The following B3GLCT variants were observed in gnomAD, a reference collection of about 807,000 sequenced individuals.
The protein encoded by B3GLCT is beta-1,3-glucosyltransferase.
In B3GLCT, 65 loss-of-function variants were observed where a neutral mutation model predicts 63.4. That is an observed-to-expected ratio of 1.03 (90% CI 0.84 to 1.26). The LOEUF (loss-of-function observed/expected upper bound fraction) is 1.26. B3GLCT is among the 50% of genes most tolerant of loss of function. The pLI is 0.00. For missense variants in B3GLCT, 577 were observed against 604.8 expected, an observed-to-expected ratio of 0.95 and a Z score of 0.48; for synonymous variants, 233 against 219.2, an observed-to-expected ratio of 1.06 and a Z score of -0.55.
At chr13:31,284,786 C>G (rs1278147612) in intron 11 of B3GLCT, 25 bp downstream of exon 11, 1 of 1,172,606 alleles carries the variant, frequency 8.5e-7, no homozygotes. Flanking sequence ...TTACTACTCT[C>G]CTTATTAAAC....
At chr13:31,243,360 T>C (rs984834660) in intron 4 of B3GLCT, among the ~76,000 whole-genome samples, 2 of 152,206 alleles carry the variant, frequency 1.3e-5, no homozygotes, top group Non-Finnish European at 1.5e-5. Flanking sequence ...CACCATGTAG[T>C]TTAATTGTTG....
In B3GLCT at chr13:31,328,760, A is replaced by G. The variant is rs187536241; in HGVS notation, c.1330-741A>G. ...TGGATACTTTGCTTAGAGAAAACAA[A>G]ATAGTATCTGATTTCAGTTTCCTTC... is the stretch of plus-strand genomic sequence containing the variant. On this transcript the variant is annotated intron_variant, in intron 14 of 14. Transcript: ENST00000343307. 9.4e-4 allele frequency among the ~76,000 whole-genome samples: 143 copies of G among 152,084 alleles called. 1 individual carries two copies. The highest frequency in any genetic ancestry group is 9.2e-3 in the Admixed American group (141 of 15,258).
intron 2 of B3GLCT, 108 bp downstream of exon 2, chr13:31,215,208 C>T: frequency 8.7e-7 from 1 of 1,150,346 alleles, no homozygotes; most frequent in South Asian, 1.3e-5. Context: ...TTTATTGTTA[C>T]ATAATTCATA....
At chr13:31,286,894 T>C (rs1271564105) in intron 12 of B3GLCT, 75 bp downstream of exon 12, 1 of 1,029,804 alleles carries the variant, frequency 9.7e-7, no homozygotes, top group Non-Finnish European at 1.5e-6. Context: ...ATGGGTACTT[T>C]TTCTGGCCAA....
At chr13:31,310,297 T>C (rs1035363568) in intron 12 of B3GLCT, among the ~76,000 whole-genome samples, 1 of 152,222 alleles carries the variant, frequency 6.6e-6, no homozygotes, top group African/African-American at 2.4e-5. Context: ...AGAGCTGTTC[T>C]TGCATTGAAT....
intron 12 of B3GLCT, among the ~76,000 whole-genome samples, chr13:31,309,852 C>G (rs1874614788): frequency 6.6e-6 from 1 of 152,130 alleles, no homozygotes; most frequent in African/African-American, 2.4e-5. Flanking sequence ...GAAAGACCTC[C>G]TTATTCAGAC....
At chr13:31,325,432 T>G (rs1189222851) in intron 14 of B3GLCT, among the ~76,000 whole-genome samples, 1 of 152,198 alleles carries the variant, frequency 6.6e-6, no homozygotes, top group Non-Finnish European at 1.5e-5. Flanking sequence ...TTATCAAGGT[T>G]AGTGTGACAG....
chr13:31,209,082 A>G (rs909788427), intron 1 of B3GLCT, among the ~76,000 whole-genome samples: 3 of 152,210 alleles, frequency 2.0e-5, no homozygotes, highest in African/African-American at 7.2e-5. Context: ...GAGGGAGAGA[A>G]TAAAATCCGA....
chr13:31,315,900 G>A (rs1475111119), intron 12 of B3GLCT, among the ~76,000 whole-genome samples: 10 of 152,224 alleles, frequency 6.6e-5, no homozygotes, highest in Admixed American at 6.5e-4. Context: ...GGCTAAAAGG[G>A]GCCAAGGTAC....
At position 31,229,371 on chromosome 13, in the gene B3GLCT, G is replaced by A. The variant is rs530249630; in HGVS notation, c.270+77G>A. 9.5e-4 allele frequency: 838 copies of A among 880,706 alleles called. 13 individuals carry two copies. In the South Asian group the frequency reaches 0.011, roughly 11 times the overall value. The allele number at this position is 880,706 out of a possible 1,614,324, so 54.6% of individuals were successfully genotyped here. ...TGATGTTTTCCAAAACACTGGATCC[G>A]TGGAGAATCAGTTTTTATTTAGACG... On this transcript the variant is annotated intron_variant, in intron 4 of 14. Transcript: ENST00000343307.
chr13:31,322,971 T>A (rs1032718177), intron 13 of B3GLCT, among the ~76,000 whole-genome samples: 3 of 152,186 alleles, frequency 2.0e-5, no homozygotes, highest in African/African-American at 7.2e-5. Flanking sequence ...TGGTGGGTTT[T>A]CAGACTTGCA....
At chr13:31,200,246 A>C in intron 1 of B3GLCT, 92 bp downstream of exon 1, 1 of 767,006 alleles carries the variant, frequency 1.3e-6, no homozygotes, top group Non-Finnish European at 1.6e-6. Context: ...AGGGAGGCGC[A>C]GGGCGGCCCA....
intron 14 of B3GLCT, among the ~76,000 whole-genome samples, chr13:31,325,591 A>G (rs1204373114): frequency 6.6e-6 from 1 of 152,210 alleles, no homozygotes; most frequent in East Asian, 1.9e-4. Flanking sequence ...CCCCCACTTT[A>G]GAACCCTTGA....
Position 31,276,626 on chromosome 13 carries a change from G to C in B3GLCT, c.781-76G>C, listed in dbSNP as rs1223957563. 6.7e-6 allele frequency: 6 copies of C among 899,430 alleles called. No individual in the cohort carries two copies. The Admixed American group carries it at 1.0e-4, about 16-fold the overall frequency. The allele number at this position is 899,430 out of a possible 1,614,324, so 55.7% of individuals were successfully genotyped here. A position where few individuals can be genotyped will look rare whatever the true frequency, so the allele number is the denominator to read the frequency against. On this transcript the variant is annotated intron_variant, in intron 9 of 14. Coordinates refer to ENST00000343307, the MANE Select transcript of B3GLCT (RefSeq NM_194318.4). ...GACATTGGTTAATTTGAACTCTAGA[G>C]CGTGTGAGATCTAGTGTGGGTGTGA...
At chr13:31,309,915 A>C (rs1329729739) in intron 12 of B3GLCT, among the ~76,000 whole-genome samples, 1 of 152,030 alleles carries the variant, frequency 6.6e-6, no homozygotes, top group African/African-American at 2.4e-5. Context: ...GGGGCAGGAC[A>C]TTTTCTGGAA....
intron 8 of B3GLCT, among the ~76,000 whole-genome samples, chr13:31,270,843 C>A (rs139829755): frequency 6.6e-6 from 1 of 152,276 alleles, no homozygotes; most frequent in East Asian, 1.9e-4. Flanking sequence ...AATCTGGATT[C>A]TTGTCTCACA....
chr13:31,243,687 T>G (rs1280432107), intron 4 of B3GLCT, among the ~76,000 whole-genome samples: 1 of 152,192 alleles, frequency 6.6e-6, no homozygotes, highest in African/African-American at 2.4e-5. Flanking sequence ...GGTTTTAAAT[T>G]TGTTTGCTCT....
intron 1 of B3GLCT, among the ~76,000 whole-genome samples, chr13:31,210,863 G>T (rs1419381871): frequency 6.6e-6 from 1 of 152,030 alleles, no homozygotes; most frequent in African/African-American, 2.4e-5. Flanking sequence ...TCCCACCTCA[G>T]CCTCCCAAGT....
chr13:31,309,706 G>A (rs1196017623), intron 12 of B3GLCT, among the ~76,000 whole-genome samples: 2 of 152,170 alleles, frequency 1.3e-5, no homozygotes, highest in East Asian at 3.9e-4. Context: ...CAACCCCCAG[G>A]AATCTGCACA....
Sources: gnomAD v4.1 joint callset for allele counts (sites outside exome capture counted in the v4.1 genomes callset) on GRCh38, gnomAD v4.1.1 for gene constraint, MANE v1.5 for transcripts, NCBI Gene and HGNC (gene_info 2026-07-23, HGNC 2026-07-21) for gene names.